LOC400499: variants seen among roughly 807,000 people sequenced by gnomAD.
chr16:11,375,044 C>T, the LOC400499 span, among the ~76,000 whole-genome samples: 2 of 151,978 alleles, frequency 1.3e-5, no homozygotes, highest in Admixed American at 6.6e-5. Context: ...GATGGGGTTT[C>T]ACCATGTTGG....
the LOC400499 span, among the ~76,000 whole-genome samples, chr16:11,375,959 G>C: frequency 5.3e-5 from 8 of 152,078 alleles, no homozygotes; most frequent in East Asian, 1.9e-4. Context: ...GGCTGGTCTC[G>C]AACGCCTGAC....
chr16:11,388,581 G>C, the LOC400499 span, among the ~76,000 whole-genome samples: 1 of 152,124 alleles, frequency 6.6e-6, no homozygotes, highest in South Asian at 2.1e-4. Flanking sequence ...CCAGGTCTCT[G>C]CTCTAAACTG....
chr16:11,429,037 G>T, the LOC400499 span, among the ~76,000 whole-genome samples: 1 of 152,108 alleles, frequency 6.6e-6, no homozygotes, highest in Non-Finnish European at 1.5e-5. Flanking sequence ...AATAAAATAA[G>T]AATCCATGAG....
At chr16:11,438,547 G>A in the LOC400499 span, among the ~76,000 whole-genome samples, 5 of 143,926 alleles carry the variant, frequency 3.5e-5, no homozygotes, top group East Asian at 4.2e-4. Flanking sequence ...AAGGGAAGAG[G>A]ATCACTTGAG....
chr16:11,407,695 G>C, the LOC400499 span, among the ~76,000 whole-genome samples: 1 of 152,184 alleles, frequency 6.6e-6, no homozygotes, highest in African/African-American at 2.4e-5. Context: ...GTGCGTGTCA[G>C]CATCAAACAC....
the LOC400499 span, among the ~76,000 whole-genome samples, chr16:11,375,055 C>T: frequency 1.3e-5 from 2 of 151,952 alleles, no homozygotes; most frequent in Non-Finnish European, 2.9e-5. Flanking sequence ...ACCATGTTGG[C>T]CAGGCTGGTC....
chr16:11,401,963 C>T, the LOC400499 span: 1 of 398,924 alleles, frequency 2.5e-6, no homozygotes. Context: ...AGGGGAGGGC[C>T]CCAAAGACCC....
chr16:11,436,666 C>T, the LOC400499 span, among the ~76,000 whole-genome samples: 5 of 152,030 alleles, frequency 3.3e-5, no homozygotes, highest in African/African-American at 9.7e-5. Context: ...CGGCTCACTG[C>T]AACCTCTGTC....
the LOC400499 span, among the ~76,000 whole-genome samples, chr16:11,429,215 G>A: frequency 8.5e-5 from 13 of 152,206 alleles, no homozygotes; most frequent in East Asian, 1.5e-3. Context: ...AGCATCCCCT[G>A]GTACTGTCCT....
the LOC400499 span, among the ~76,000 whole-genome samples, chr16:11,431,594 T>TG: frequency 6.6e-6 from 1 of 152,118 alleles, no homozygotes; most frequent in African/African-American, 2.4e-5. Context: ...TTGGTAGAGA[T>TG]GGGGTTTCAC....
the LOC400499 span, chr16:11,425,275 G>A: frequency 1.8e-5 from 7 of 399,102 alleles, no homozygotes; most frequent in East Asian, 2.5e-4. Context: ...TGGGCCTGCA[G>A]CCGGCCCTTC....
chr16:11,373,427 G>T, the LOC400499 span, among the ~76,000 whole-genome samples: 1 of 152,074 alleles, frequency 6.6e-6, no homozygotes, highest in African/African-American at 2.4e-5. Flanking sequence ...TCTGCCTCCT[G>T]GGTTCAAGCG....
chr16:11,390,326 T>G, the LOC400499 span: 673 of 1,233,538 alleles, frequency 5.5e-4, 2 homozygotes, highest in African/African-American at 9.6e-3. Context: ...CTGATGGGCC[T>G]TGGACCCCCT....
At chr16:11,407,217 C>G in the LOC400499 span, 145 of 399,048 alleles carry the variant, frequency 3.6e-4, no homozygotes, top group East Asian at 3.5e-3. Context: ...AAGGTCTGTT[C>G]CAGTTTGATG....
the LOC400499 span, among the ~76,000 whole-genome samples, chr16:11,428,454 G>A: frequency 5.9e-5 from 9 of 152,238 alleles, no homozygotes; most frequent in South Asian, 4.2e-4. Flanking sequence ...GATTACAGGC[G>A]TGAGCCACCG....
chr16:11,432,716 T>G, the LOC400499 span, among the ~76,000 whole-genome samples: 111 of 152,196 alleles, frequency 7.3e-4, 1 homozygote, highest in Admixed American at 7.3e-3. Flanking sequence ...AGATTTCCCT[T>G]GAGCTTCACC....
the LOC400499 span, among the ~76,000 whole-genome samples, chr16:11,429,573 G>C: frequency 6.6e-6 from 1 of 151,328 alleles, no homozygotes; most frequent in South Asian, 2.1e-4. Context: ...TCCCATGTTC[G>C]AGTGATTCTC....
At chr16:11,435,129 G>A in the LOC400499 span, among the ~76,000 whole-genome samples, 4 of 151,112 alleles carry the variant, frequency 2.6e-5, no homozygotes, top group Non-Finnish European at 5.9e-5. Context: ...ACAGGTGCAT[G>A]CCACCACATC....
At chr16:11,487,199 G>C in the LOC400499 span, 1 of 398,708 alleles carries the variant, frequency 2.5e-6, no homozygotes, top group African/African-American at 2.1e-5. Context: ...AAGTGACTGG[G>C]ATATTTTTTG....
Sources: allele counts gnomAD v4.1 joint callset (sites outside exome capture counted in the v4.1 genomes callset), GRCh38; gene constraint gnomAD v4.1.1; transcripts MANE v1.5.